Variants in F12 observed in about 807,000 individuals in gnomAD.
The protein encoded by F12 is Hageman factor.
In F12, 70 loss-of-function variants were observed where a neutral mutation model predicts 74.8. The observed-to-expected ratio is 0.94, with a 90% confidence interval of 0.77 to 1.14. The LOEUF (loss-of-function observed/expected upper bound fraction) is 1.14. Ranked by LOEUF, F12 falls within the 50% of genes most tolerant of loss-of-function variation. F12 has a pLI of 0.00. For missense variants in F12, 811 were observed against 835.7 expected, an observed-to-expected ratio of 0.97 and a Z score of 0.36; for synonymous variants, 373 against 356.4, an observed-to-expected ratio of 1.05 and a Z score of -0.52.
chr5:177,406,387 G>A (rs1763297689), intron 2 of F12, among the ~76,000 whole-genome samples: 1 of 152,176 alleles, frequency 6.6e-6, no homozygotes, highest in South Asian at 2.1e-4. Flanking sequence ...TACTCGGGAG[G>A]CCGAGGCAGG....
rs748752090 is a variant in F12 at position 177,403,633 on chromosome 5, G to A, written c.1251-16C>T. Reference sequence around the variant, plus strand: ...GGGTGCGGGCCTGCGGGGGGGGTAGGGGAGAGGCAGCGCTCTCAGACCTGG... The same window carrying A: ...GGGTGCGGGCCTGCGGGGGGGGTAGAGGAGAGGCAGCGCTCTCAGACCTGG... On this transcript the variant is annotated splice_polypyrimidine_tract_variant and intron_variant, in intron 10 of 13. Coordinates refer to ENST00000253496, the MANE Select transcript of F12 (RefSeq NM_000505.4). 3.3e-5 allele frequency: 53 copies of A among 1,599,396 alleles called. No individual in the cohort carries two copies. The highest frequency in any genetic ancestry group is 2.2e-4 in the Middle Eastern group (1 of 4,556).
Position 177,404,886 on chromosome 5 carries a change from C to A in F12, c.558G>T (p.Gly186=), listed in dbSNP as rs1375418434. 1 of 1,608,134 alleles carries A rather than the reference C, an allele frequency of 6.2e-7. No homozygotes were observed. The highest frequency in any genetic ancestry group is 1.3e-5 in the African/African-American group (1 of 74,838). ...GGCCCTCCACCTCTAGGCAGCGACC[C>A]CCATGGAGGCACGGGTTGGTGCGGC... ...QACRTNPCLH[G]GRCLEVEGHR... is the part of the protein sequence containing the mutation. Residue 186 remains glycine (G), a synonymous_variant, in exon 7 of 14, where the codon GGG becomes GGT. Coordinates refer to ENST00000253496, the MANE Select transcript of F12 (RefSeq NM_000505.4).
Position 177,406,005 on chromosome 5 carries a change from A to G in F12, c.172T>C (p.Tyr58His). 1 of 1,614,060 alleles carries G rather than the reference A, an allele frequency of 6.2e-7. No homozygotes were observed. The highest frequency in any genetic ancestry group is 8.5e-7 in the Non-Finnish European group (1 of 1,179,996). ...CGGCCCTTGTGGGTACATTTGTGGT[A>G]CAGCTGCCGGTGGTACTGGAAGGGG... ...HFPFQYHRQL[Y>H]HKCTHKGRPG... Residue 58 changes from tyrosine (Y) to histidine (H), a missense_variant, in exon 3 of 14, where the codon TAC becomes CAC. Transcript: ENST00000253496.
At position 177,404,842 on chromosome 5, in the gene F12, G is replaced by C; in HGVS notation, c.602C>G (p.Pro201Arg). The change falls in exon 7 of 14, where the codon CCG becomes CGG. Residue 201 changes from proline to arginine, a missense_variant. Transcript: ENST00000253496. ...EVEGHRLCHC[P>R]VGYTGAFCDV... ...GCAGAAGGCTCCGGTGTAGCCCACC[G>C]GGCAGTGGCACAGGCGGTGGCCCTC... is the stretch of plus-strand genomic sequence containing the variant. The C allele has an allele frequency of 1.9e-6, 3 of 1,609,622 alleles. No individual in the cohort carries two copies. The highest frequency in any genetic ancestry group is 2.5e-6 in the Non-Finnish European group (3 of 1,178,878).
intron 2 of F12, among the ~76,000 whole-genome samples, chr5:177,407,805 A>G (rs1472697346): frequency 6.7e-6 from 1 of 149,588 alleles, no homozygotes; most frequent in African/African-American, 2.4e-5. Flanking sequence ...AAAGATGCAG[A>G]TGGGATGGAC....
At position 177,404,312 on chromosome 5, in the gene F12, G is replaced by A; in HGVS notation, c.902C>T (p.Ala301Val). ...DLAQCQTPTQ[A>V]APPTPVSPRL... The stretch of plus-strand genomic sequence containing the variant: ...AGGGGACACCGGGGTCGGAGGCGCC[G>A]CCTGGGTTGGGGTCTGGCACTGTGC... The change falls in exon 9 of 14, where the codon GCG (alanine) becomes GTG (valine). Residue 301 changes from alanine to valine, a missense_variant. By Grantham distance (64) the Ala-to-Val change is moderately conservative (BLOSUM62 0). Transcript: ENST00000253496. 6.2e-7 allele frequency: 1 copy of A among 1,602,084 alleles called. No individual in the cohort carries two copies. Among genetic ancestry groups the A allele is most frequent in the Non-Finnish European group, 8.5e-7 (1 of 1,173,916 alleles).
Position 177,405,303 on chromosome 5 carries a change from G to C in F12, c.397+20C>G. 6.2e-7 allele frequency: 1 copy of C among 1,613,812 alleles called. No individual in the cohort carries two copies. Among genetic ancestry groups the C allele is most frequent in the Non-Finnish European group, 8.5e-7 (1 of 1,179,882 alleles). ...CCCCTGTCCCCCAGCACCCCGCCCA[G>C]GTCCTCCACATCTCCTCACCTTTCT... On this transcript the variant is annotated intron_variant, in intron 5 of 13. Transcript: ENST00000253496.
In F12 at chr5:177,404,182, C is replaced by A. The variant is rs779057710; in HGVS notation, c.1018+14G>T. 65 of 1,593,896 alleles carry A rather than the reference C, an allele frequency of 4.1e-5. No homozygotes were observed. The highest frequency in any genetic ancestry group is 5.2e-5 in the Non-Finnish European group (61 of 1,170,506). ...CGCCCTCTCGGCTCCTCCTTCCCCC[C>A]CCCACTTCCTAACCTCCCGGGGTCT... On this transcript the variant is annotated intron_variant, in intron 9 of 13. Transcript: ENST00000253496.
intron 2 of F12, 134 bp downstream of exon 2, chr5:177,408,912 C>T (rs755796938): frequency 3.2e-4 from 277 of 862,446 alleles, no homozygotes; most frequent in Non-Finnish European, 5.0e-4. Flanking sequence ...ACACAGCTCA[C>T]GATCACTCTA....
intron 2 of F12, among the ~76,000 whole-genome samples, chr5:177,408,300 G>A (rs983441115): frequency 6.6e-6 from 1 of 151,690 alleles, no homozygotes; most frequent in African/African-American, 2.4e-5. Flanking sequence ...ATGATCCACC[G>A]ACCTTGGCCT....
Position 177,404,557 on chromosome 5 carries a change from G to A in F12, c.742C>T (p.Arg248Trp), listed in dbSNP as rs369756502. ...CQPWASEATY[R>W]NVTAEQARNW... Reference sequence around the variant, plus strand: ...CGCGCTTGCTCGGCAGTCACGTTCCGGTAGGTGGCCTCCGAGGCCCACGGC... The same window carrying A: ...CGCGCTTGCTCGGCAGTCACGTTCCAGTAGGTGGCCTCCGAGGCCCACGGC... Residue 248 changes from arginine (R) to tryptophan (W), a missense_variant, in exon 8 of 14, where the codon CGG becomes TGG. Physicochemically the swap from Arg to Trp is moderately radical, Grantham distance 101. Coordinates refer to ENST00000253496, the MANE Select transcript of F12 (RefSeq NM_000505.4). 29 of 1,605,838 alleles carry A rather than the reference G, an allele frequency of 1.8e-5. No homozygotes were observed. In the East Asian group the frequency reaches 3.1e-4, roughly 17 times the overall value.
Position 177,408,181 on chromosome 5 carries a change from G to A in F12, c.115+865C>T, listed in dbSNP as rs189792123. Among the ~76,000 whole-genome samples, 394 of 151,894 alleles carry A rather than the reference G, an allele frequency of 2.6e-3. 7 individuals are homozygous for A. Among genetic ancestry groups the A allele is most frequent in the Admixed American group, 0.019 (293 of 15,238 alleles). On this transcript the variant is annotated intron_variant, in intron 2 of 13. Transcript: ENST00000253496. ...AGCAATTCTTCTGCCTCAGCCTCCC[G>A]AGTAGCTGGGACTACTGGCGCATGC...
In F12 at chr5:177,404,095, G is replaced by A. The variant is rs753600187; in HGVS notation, c.1019-5C>T. ...GCTCCCGCTTCGCCGGCAAGGCTGT[G>A]GAGGAGCAGGGGCTGAGGACGGAGA... On this transcript the variant is annotated splice_polypyrimidine_tract_variant and splice_region_variant and intron_variant, in intron 9 of 13. Transcript: ENST00000253496. 9 of 1,601,754 alleles carry A rather than the reference G, an allele frequency of 5.6e-6. 1 individual carries two copies. The highest frequency in any genetic ancestry group is 3.3e-4 in the Middle Eastern group (2 of 6,042).
At position 177,404,479 on chromosome 5, in the gene F12, C is replaced by T. The variant is rs895098043; in HGVS notation, c.800+20G>A. The stretch of plus-strand genomic sequence containing the variant: ...CCGGAGCCCTGGGGCGGAGGGGTCA[C>T]CCAGCCCCACGCGGCGCACCGGCAG... On this transcript the variant is annotated intron_variant, in intron 8 of 13. Transcript: ENST00000253496. 3.8e-6 allele frequency: 6 copies of T among 1,591,534 alleles called. No individual in the cohort carries two copies. Among genetic ancestry groups the T allele is most frequent in the Non-Finnish European group, 5.1e-6 (6 of 1,169,618 alleles).
Position 177,404,497 on chromosome 5 carries a change from A to G in F12, c.800+2T>C. The G allele has an allele frequency of 6.3e-7, 1 of 1,591,420 alleles. No homozygotes were observed. Among genetic ancestry groups the G allele is most frequent in the Non-Finnish European group, 8.6e-7 (1 of 1,169,420 alleles). On this transcript the variant is annotated splice_donor_variant, in intron 8 of 13. Coordinates refer to ENST00000253496, the MANE Select transcript of F12 (RefSeq NM_000505.4). LOFTEE classifies it high-confidence loss of function. ...GGGGTCACCCAGCCCCACGCGGCGCACCGGCAGAAGGCGTGGCCGCCCAGT... is the reference window on the plus strand; with the variant it reads ...GGGGTCACCCAGCCCCACGCGGCGCGCCGGCAGAAGGCGTGGCCGCCCAGT...
intron 9 of F12, 23 bp downstream of exon 9, chr5:177,404,173 C>G (rs750067028): frequency 1.4e-5 from 21 of 1,537,110 alleles, no homozygotes; most frequent in African/African-American, 4.4e-5. Context: ...CTCGGCTCCT[C>G]CTTCCCCCCC....
rs1284609449 is a variant in F12 at position 177,404,520 on chromosome 5, A to G, written c.779T>C (p.Leu260Pro). 5 of 1,596,052 alleles carry G rather than the reference A, an allele frequency of 3.1e-6. No homozygotes were observed. In the African/African-American group the frequency reaches 6.7e-5, roughly 21 times the overall value. Residue 260 changes from leucine to proline, a missense_variant, in exon 8 of 14, where the codon CTG (leucine) becomes CCG (proline). Coordinates refer to ENST00000253496, the MANE Select transcript of F12 (RefSeq NM_000505.4). ...GCACCGGCAGAAGGCGTGGCCGCCC[A>G]GTCCCCAGTTCCGCGCTTGCTCGGC... is the stretch of plus-strand genomic sequence containing the variant. ...VTAEQARNWG[L>P]GGHAFCRNPD... is the part of the protein sequence containing the mutation.
chr5:177,404,017 G>C lies in F12; in HGVS notation c.1092C>G (p.Arg364=). The C allele has an allele frequency of 6.2e-7, 1 of 1,602,162 alleles. No individual in the cohort carries two copies. Among genetic ancestry groups the C allele is most frequent in the Non-Finnish European group, 8.5e-7 (1 of 1,179,662 alleles). ...CGCGGGTCATCGAAGACAGACTCTTGCGGAGCCGCTGCCCGCAGCTCAGTG... is the reference window on the plus strand; with the variant it reads ...CGCGGGTCATCGAAGACAGACTCTTCCGGAGCCGCTGCCCGCAGCTCAGTG... ...NGPLSCGQRL[R]KSLSSMTRVV... is the part of the protein sequence containing the mutation. Residue 364 remains arginine (R), a synonymous_variant, in exon 10 of 14, where the codon CGC becomes CGG. Transcript: ENST00000253496.
chr5:177,409,243 G>C, intron 1 of F12, 140 bp from the exon 2 acceptor site: 4 of 1,025,182 alleles, frequency 3.9e-6, no homozygotes, highest in Non-Finnish European at 5.9e-6. Flanking sequence ...ACCTCCCCCC[G>C]TTGTCTTCTT....
Sources: gnomAD v4.1 joint callset for allele counts (sites outside exome capture counted in the v4.1 genomes callset) on GRCh38, gnomAD v4.1.1 for gene constraint, MANE v1.5 for transcripts, NCBI Gene and HGNC (gene_info 2026-07-23, HGNC 2026-07-21) for gene names.